The following ANO2 variants were observed in gnomAD, a reference collection of about 807,000 sequenced individuals.
ANO2 encodes anoctamin 2.
In ANO2, 101 loss-of-function variants were observed where a neutral mutation model predicts 124.2. The ratio of observed to expected loss-of-function variants is 0.81; its 90% CI spans 0.69 to 0.96. The LOEUF is 0.96. ANO2 is among the 40% of genes least tolerant of loss of function. ANO2 has a pLI of 0.00. For missense variants in ANO2, 1,293 were observed against 1,274.5 expected (o/e 1.01, Z -0.22); for synonymous variants, 486 against 482.5 (o/e 1.01, Z -0.09).
At chr12:5,799,358 C>T in intron 10 of ANO2, 149 bp downstream of exon 10, 1 of 701,704 alleles carries the variant, frequency 1.4e-6, no homozygotes. Context: ...TGCTTCCCCA[C>T]CCATGAGACA....
chr12:5,622,601 A>C (rs765582923), intron 16 of ANO2, among the ~76,000 whole-genome samples: 2 of 152,202 alleles, frequency 1.3e-5, no homozygotes, highest in Non-Finnish European at 2.9e-5. Context: ...CTGGAGTGCC[A>C]CTTTGACTTT....
At chr12:5,749,702 G>A (rs980028577) in intron 11 of ANO2, among the ~76,000 whole-genome samples, 7 of 152,166 alleles carry the variant, frequency 4.6e-5, no homozygotes, top group Non-Finnish European at 1.0e-4. Flanking sequence ...TATTAGCTAA[G>A]TGTCTCTTTT....
At chr12:5,640,651 A>G (rs554606036) in intron 15 of ANO2, among the ~76,000 whole-genome samples, 22 of 152,362 alleles carry the variant, frequency 1.4e-4, no homozygotes, top group Non-Finnish European at 2.8e-4. Flanking sequence ...TCATCAGAGA[A>G]ATGCAAATCA....
At chr12:5,826,453 T>C (rs1199760074) in intron 7 of ANO2, among the ~76,000 whole-genome samples, 1 of 3,218 alleles carries the variant, frequency 3.1e-4, no homozygotes, top group African/African-American at 3.5e-4. Context: ...TATATATATA[T>C]ATATATATAT....
intron 7 of ANO2, among the ~76,000 whole-genome samples, chr12:5,810,466 C>A (rs1380709600): frequency 6.6e-6 from 1 of 152,094 alleles, no homozygotes; most frequent in African/African-American, 2.4e-5. Flanking sequence ...CTAATTGGTT[C>A]CATCATGCGC....
chr12:5,563,484 T>G lies in ANO2; in HGVS notation c.2812A>C (p.Lys938Gln), dbSNP rs1421436640. The part of the protein sequence containing the change: ...TDISDQIKKE[K>Q]SLLVDFFLKE... ...AGGAAGAAATCCACTAATAAGCTCT[T>G]CTCTTTCTTGATCTGGTCGCTGATG... is the stretch of plus-strand genomic sequence containing the variant. Residue 938 changes from lysine to glutamine, a missense_variant, in exon 25 of 25, where the codon AAG becomes CAG. Coordinates refer to ENST00000682330, the MANE Select transcript of ANO2 (RefSeq NM_001364791.2). 6.2e-7 allele frequency: 1 copy of G among 1,614,002 alleles called. No individual in the cohort carries two copies. The highest frequency in any genetic ancestry group is 1.1e-5 in the South Asian group (1 of 91,078).
At chr12:5,596,463 A>G (rs1398287024) in intron 20 of ANO2, among the ~76,000 whole-genome samples, 1 of 152,138 alleles carries the variant, frequency 6.6e-6, no homozygotes, top group Non-Finnish European at 1.5e-5. Flanking sequence ...GATTTGGGAG[A>G]CAGGTTCTCT....
At chr12:5,816,214 C>T (rs949888607) in intron 7 of ANO2, among the ~76,000 whole-genome samples, 1 of 151,376 alleles carries the variant, frequency 6.6e-6, no homozygotes, top group Non-Finnish European at 1.5e-5. Flanking sequence ...GTCACTCATG[C>T]TTCTCTTCCA....
intron 3 of ANO2, 45 bp downstream of exon 3, chr12:5,920,995 T>C (rs1274587571): frequency 8.3e-6 from 13 of 1,565,460 alleles, no homozygotes; most frequent in Non-Finnish European, 1.1e-5. Context: ...CCCGGTTCTG[T>C]GGTGCCATTC....
At chr12:5,924,024 C>T (rs570128080) in intron 1 of ANO2, among the ~76,000 whole-genome samples, 13 of 152,332 alleles carry the variant, frequency 8.5e-5, no homozygotes, top group Admixed American at 2.0e-4. Context: ...ATTAGCCTGA[C>T]GGCATGTGAT....
intron 3 of ANO2, among the ~76,000 whole-genome samples, chr12:5,918,119 G>C (rs1376578723): frequency 6.6e-6 from 1 of 152,190 alleles, no homozygotes; most frequent in Non-Finnish European, 1.5e-5. Context: ...GAGCGAGAAT[G>C]CATCTTCACC....
At chr12:5,768,063 G>A (rs1457456653) in intron 10 of ANO2, among the ~76,000 whole-genome samples, 1 of 152,202 alleles carries the variant, frequency 6.6e-6, no homozygotes, top group Non-Finnish European at 1.5e-5. Context: ...TATCTGGGCA[G>A]TGCCAAGGCA....
At chr12:5,923,078 A>ACATG (rs1555184517) in intron 1 of ANO2, among the ~76,000 whole-genome samples, 3 of 22,268 alleles carry the variant, frequency 1.3e-4, no homozygotes, top group African/African-American at 3.2e-4. Flanking sequence ...ACACATGCAC[A>ACATG]CATACACACA....
intron 10 of ANO2, among the ~76,000 whole-genome samples, chr12:5,758,509 C>T (rs532463503): frequency 3.1e-4 from 47 of 152,202 alleles, no homozygotes; most frequent in African/African-American, 1.1e-3. Flanking sequence ...TCTAGGGGAG[C>T]GGGAGGGGCA....
intron 14 of ANO2, among the ~76,000 whole-genome samples, chr12:5,680,363 T>C (rs1473701972): frequency 6.6e-6 from 1 of 151,882 alleles, no homozygotes; most frequent in Non-Finnish European, 1.5e-5. Flanking sequence ...GGACCTACAA[T>C]TAAGAGGGAT....
chr12:5,732,860 C>T (rs1371615221), intron 13 of ANO2: 2 of 1,613,870 alleles, frequency 1.2e-6, no homozygotes, highest in East Asian at 4.5e-5. Flanking sequence ...ACACTGAAAA[C>T]CAAACCTGGG....
At chr12:5,580,684 A>G (rs538668668) in intron 20 of ANO2, among the ~76,000 whole-genome samples, 5 of 152,234 alleles carry the variant, frequency 3.3e-5, no homozygotes, top group South Asian at 4.1e-4. Context: ...ACAGAGGGAT[A>G]AGAGCAACCA....
rs149256331 is a variant in ANO2 at position 5,716,401 on chromosome 12, G to A, written c.1545+16119C>T. 2.3e-3 allele frequency among the ~76,000 whole-genome samples: 357 copies of A among 152,232 alleles called. 5 individuals carry two copies. In the South Asian group the frequency reaches 0.029, roughly 12 times the overall value. On this transcript the variant is annotated intron_variant, in intron 14 of 24. Coordinates refer to ENST00000682330, the MANE Select transcript of ANO2 (RefSeq NM_001364791.2). ...GTCCAGTCTCTCTGGTTGTCAGCAC[G>A]CTGTTTCATGACTCACTACAGGCTG...
intron 20 of ANO2, among the ~76,000 whole-genome samples, chr12:5,596,610 A>G (rs576669199): frequency 6.6e-6 from 1 of 152,034 alleles, no homozygotes; most frequent in African/African-American, 2.4e-5. Context: ...TTCCTTCCCA[A>G]AGTCACCAAG....
Sources: allele counts gnomAD v4.1 joint callset (sites outside exome capture counted in the v4.1 genomes callset), GRCh38; gene constraint gnomAD v4.1.1; transcripts MANE v1.5; gene names NCBI Gene and HGNC (gene_info 2026-07-23, HGNC 2026-07-21).